Variants in CDH7 observed in about 807,000 individuals in gnomAD.
CDH7 encodes the protein cadherin-7.
A neutral mutation model predicts 71.8 loss-of-function variants in CDH7; 25 were observed. The ratio of observed to expected loss-of-function variants is 0.35; its 90% CI spans 0.25 to 0.49. The LOEUF (loss-of-function observed/expected upper bound fraction) is 0.49, where lower values mean the gene tolerates loss of function less well. CDH7 is among the 20% of genes least tolerant of loss of function. The pLI is 0.99. For missense variants in CDH7, 862 were observed against 974.6 expected (o/e 0.88, Z 1.54); for synonymous variants, 381 against 363.8 (o/e 1.05, Z -0.54).
At chr18:65,844,140 C>T in intron 7 of CDH7, 75 bp downstream of exon 7, 1 of 1,146,096 alleles carries the variant, frequency 8.7e-7, no homozygotes, top group Non-Finnish European at 1.2e-6. Context: ...ATTTTACGCT[C>T]TGATGTTCCT....
rs1391301903 is a variant in CDH7 at position 65,822,193 on chromosome 18, A to T, written c.738A>T (p.Thr246=). Residue 246 remains threonine (T), a synonymous_variant, in exon 5 of 12, where the codon ACA becomes ACT. Transcript: ENST00000397968. ...AAAATGGAGGACTGTCAGGAACTACATCAGTCACTGTGACCCTAACTGATG... is the reference window on the plus strand; with the variant it reads ...AAAATGGAGGACTGTCAGGAACTACTTCAGTCACTGTGACCCTAACTGATG... ...VGQNGGLSGT[T]SVTVTLTDVN... 1 of 1,613,646 alleles carries T rather than the reference A, an allele frequency of 6.2e-7. No homozygotes were observed. Among genetic ancestry groups the T allele is most frequent in the Non-Finnish European group, 8.5e-7 (1 of 1,179,586 alleles).
chr18:65,819,215 T>A (rs2143929626), intron 4 of CDH7, among the ~76,000 whole-genome samples: 1 of 152,238 alleles, frequency 6.6e-6, no homozygotes, highest in Admixed American at 6.5e-5. Context: ...TTCCTAGAAA[T>A]TTCAAAATAA....
At chr18:65,768,280 G>T (rs1916438627) in intron 2 of CDH7, among the ~76,000 whole-genome samples, 1 of 151,262 alleles carries the variant, frequency 6.6e-6, no homozygotes, top group Non-Finnish European at 1.5e-5. Context: ...TTCTTACCCA[G>T]ACTGGCACGT....
At chr18:65,866,027 C>G (rs1364446943) in intron 11 of CDH7, 3 of 9,966 alleles carry the variant, frequency 3.0e-4, no homozygotes, top group African/African-American at 8.8e-4. Flanking sequence ...AGGCCGGGCG[C>G]GGTGGCTCAC....
chr18:65,855,174 TAATAA>T (rs1217319753), intron 7 of CDH7, among the ~76,000 whole-genome samples: 1 of 151,902 alleles, frequency 6.6e-6, no homozygotes, highest in East Asian at 1.9e-4. Flanking sequence ...TGTCCTGGAG[TAATAA>T]TTAGAAAAAC....
At chr18:65,868,785 T>C (rs1004620018) in intron 11 of CDH7, among the ~76,000 whole-genome samples, 5 of 152,240 alleles carry the variant, frequency 3.3e-5, no homozygotes, top group Admixed American at 6.5e-5. Flanking sequence ...ACTTTTCTTC[T>C]ATATTAACTG....
intron 6 of CDH7, among the ~76,000 whole-genome samples, chr18:65,827,288 A>T (rs1221528146): frequency 6.6e-6 from 1 of 151,856 alleles, no homozygotes; most frequent in East Asian, 1.9e-4. Context: ...TATTTAGGAA[A>T]AATTAAGCAC....
chr18:65,828,909 T>C (rs1409984972), intron 6 of CDH7, among the ~76,000 whole-genome samples: 1 of 152,190 alleles, frequency 6.6e-6, no homozygotes, highest in African/African-American at 2.4e-5. Context: ...ACTCTTTCTA[T>C]GAACTTCAAA....
In CDH7 at chr18:65,827,637, G is replaced by A. The variant is rs139059791; in HGVS notation, c.981+2806G>A. ...GTTTATTACTCTTAAAGGGGATTGC[G>A]CAAACTTGCTTTCAGTTTTCTAATG... On this transcript the variant is annotated intron_variant, in intron 6 of 11. Coordinates refer to ENST00000397968, the MANE Select transcript of CDH7 (RefSeq NM_004361.5). 6.3e-3 allele frequency among the ~76,000 whole-genome samples: 956 copies of A among 151,886 alleles called. 12 individuals are homozygous for A. Among genetic ancestry groups the A allele is most frequent in the African/African-American group, 0.021 (877 of 41,472 alleles).
At chr18:65,804,699 C>CGTGTGTGTGTGTGTGT (rs56242508) in intron 2 of CDH7, among the ~76,000 whole-genome samples, 2,990 of 148,776 alleles carry the variant, frequency 0.02, 66 homozygotes, top group East Asian at 0.09. Flanking sequence ...CCTTAACACA[C>CGTGTGTGTGTGTGTGT]GTGTGTGTGT....
At chr18:65,849,636 C>T (rs28539679) in intron 7 of CDH7, among the ~76,000 whole-genome samples, 12,510 of 151,536 alleles carry the variant, frequency 0.083, 1,721 homozygotes, top group African/African-American at 0.29. Flanking sequence ...TTGCCTCGAA[C>T]TCCTGACCTC....
intron 2 of CDH7, among the ~76,000 whole-genome samples, chr18:65,796,605 G>C (rs1910925645): frequency 6.6e-6 from 1 of 152,038 alleles, no homozygotes; most frequent in African/African-American, 2.4e-5. Context: ...AAGACCCCTT[G>C]GTTCAACCTG....
chr18:65,860,845 TC>T (rs1296709147), intron 10 of CDH7, among the ~76,000 whole-genome samples: 1 of 152,110 alleles, frequency 6.6e-6, no homozygotes, highest in African/African-American at 2.4e-5. Context: ...AAAAATTCAA[TC>T]TGAAAATGAT....
chr18:65,795,106 G>A (rs1285184860), intron 2 of CDH7, among the ~76,000 whole-genome samples: 2 of 152,102 alleles, frequency 1.3e-5, no homozygotes, highest in African/African-American at 2.4e-5. Flanking sequence ...AGAATGGATC[G>A]AGTGTGCCAG....
At chr18:65,814,148 A>T (rs1313327417) in intron 3 of CDH7, among the ~76,000 whole-genome samples, 2 of 152,222 alleles carry the variant, frequency 1.3e-5, no homozygotes, top group East Asian at 3.9e-4. Context: ...GCTCTTGATG[A>T]AAATATATTA....
chr18:65,796,875 C>T (rs932273107), intron 2 of CDH7, among the ~76,000 whole-genome samples: 1 of 152,118 alleles, frequency 6.6e-6, no homozygotes, highest in Non-Finnish European at 1.5e-5. Flanking sequence ...ATTTGATACT[C>T]ATTTGGGCAG....
chr18:65,787,456 A>G (rs1257251074), intron 2 of CDH7, among the ~76,000 whole-genome samples: 1 of 152,148 alleles, frequency 6.6e-6, no homozygotes, highest in Non-Finnish European at 1.5e-5. Flanking sequence ...ACAGGCGTTT[A>G]CCTACTAGCA....
At chr18:65,867,633 C>T (rs1002036679) in intron 11 of CDH7, among the ~76,000 whole-genome samples, 7 of 152,116 alleles carry the variant, frequency 4.6e-5, no homozygotes, top group Non-Finnish European at 8.8e-5. Context: ...TTCTGTTCCT[C>T]GGCATACACA....
chr18:65,823,466 A>G (rs1599031301), intron 5 of CDH7, among the ~76,000 whole-genome samples: 1 of 151,858 alleles, frequency 6.6e-6, no homozygotes, highest in African/African-American at 2.4e-5. Flanking sequence ...GCCATTATAG[A>G]TCCCTTCAAA....
Sources: allele counts gnomAD v4.1 joint callset (sites outside exome capture counted in the v4.1 genomes callset), GRCh38; gene constraint gnomAD v4.1.1; transcripts MANE v1.5; gene names NCBI Gene and HGNC (gene_info 2026-07-23, HGNC 2026-07-21).